Variants in UTP20 observed in about 807,000 individuals in gnomAD.
The protein encoded by UTP20 is UTP20 small subunit processome component, also known as small subunit processome component 20 homolog.
A neutral mutation model predicts 329.5 loss-of-function variants in UTP20; 164 were observed. The ratio of observed to expected loss-of-function variants is 0.50; its 90% CI spans 0.44 to 0.57. UTP20 has a LOEUF of 0.57. Among genes scored for constraint, UTP20 ranks in the 20% least tolerant of loss-of-function variants. UTP20 has a pLI of 0.00. For missense variants in UTP20, 3,055 were observed against 3,284.2 expected (o/e 0.93, Z 1.71); for synonymous variants, 1,151 against 1,159.3 (o/e 0.99, Z 0.14).
At chr12:101,281,249 C>T in intron 2 of UTP20, 53 bp downstream of exon 2, 1 of 1,469,428 alleles carries the variant, frequency 6.8e-7, no homozygotes, top group Non-Finnish European at 9.5e-7. Flanking sequence ...GTTTTAGTTT[C>T]TTCTGTTAGT....
intron 15 of UTP20, 99 bp from the exon 16 acceptor site, chr12:101,305,816 C>A: frequency 2.3e-6 from 3 of 1,330,520 alleles, no homozygotes; most frequent in Non-Finnish European, 3.0e-6. Flanking sequence ...TTACCTTTTA[C>A]ATTTTCTTCA....
chr12:101,306,626 C>A (rs1872647247), intron 16 of UTP20, 73 bp from the exon 17 acceptor site: 16 of 1,374,098 alleles, frequency 1.2e-5, no homozygotes, highest in Middle Eastern at 1.9e-4. Context: ...AAACTTAAAT[C>A]TTGCTGACTG....
intron 38 of UTP20, among the ~76,000 whole-genome samples, chr12:101,351,526 C>CT (rs753646442): frequency 0.025 from 2,991 of 117,808 alleles, 139 homozygotes; most frequent in African/African-American, 0.079. Context: ...AGGCAGTGTA[C>CT]TTTTTTTTTT....
At position 101,373,425 on chromosome 12, in the gene UTP20, G is replaced by A. The variant is rs1404384414; in HGVS notation, c.6903G>A (p.Glu2301=). The A allele has an allele frequency of 1.2e-6, 2 of 1,614,164 alleles. No individual in the cohort carries two copies. The highest frequency in any genetic ancestry group is 1.7e-6 in the Non-Finnish European group (2 of 1,180,038). Reference sequence around the variant, plus strand: ...GTTACGAACATGAGACCGGGAGAGAGTCCACCTTGGAAATGATCGCCTATC... The same window carrying A: ...GTTACGAACATGAGACCGGGAGAGAATCCACCTTGGAAATGATCGCCTATC... ...QLNYEHETGR[E]STLEMIAYLF... Residue 2301 remains glutamate (E), a synonymous_variant, in exon 53 of 62, where the codon GAG becomes GAA. Transcript: ENST00000261637.
At chr12:101,345,528 G>T in intron 36 of UTP20, 26 bp from the exon 37 acceptor site, 3 of 1,378,430 alleles carry the variant, frequency 2.2e-6, no homozygotes, top group Non-Finnish European at 2.0e-6. Context: ...AAAATAAAAT[G>T]TTTTTTCTCC....
intron 12 of UTP20, among the ~76,000 whole-genome samples, chr12:101,297,547 T>C (rs1872396209): frequency 6.6e-6 from 1 of 152,236 alleles, no homozygotes; most frequent in Non-Finnish European, 1.5e-5. Flanking sequence ...ATCTTCTGTA[T>C]ACCTTACAAA....
intron 58 of UTP20, among the ~76,000 whole-genome samples, chr12:101,381,492 C>T (rs78451622): frequency 0.081 from 12,358 of 152,042 alleles, 654 homozygotes; most frequent in Middle Eastern, 0.15. Flanking sequence ...GCCGAAATCA[C>T]GCCACTGCAC....
Position 101,342,957 on chromosome 12 carries a change from A to G in UTP20, c.4313A>G (p.Gln1438Arg). 6.2e-7 allele frequency: 1 copy of G among 1,613,462 alleles called. No individual in the cohort carries two copies. The highest frequency in any genetic ancestry group is 1.1e-5 in the South Asian group (1 of 90,672). ...TDVVKLNAFDQRHLDDINFDV... is the reference protein window; with the variant it reads ...TDVVKLNAFDRRHLDDINFDV... ...TTCTTATAGCTTAACGCCTTCGATC[A>G]AAGACATCTTGATGATATCAACTTC... Residue 1438 changes from glutamine (Q) to arginine (R), a missense_variant, in exon 35 of 62, where the codon CAA (glutamine) becomes CGA (arginine). Gln to Arg is a conservative substitution (Grantham distance 43). Transcript: ENST00000261637.
intron 38 of UTP20, 99 bp from the exon 39 acceptor site, chr12:101,351,956 A>G: frequency 7.1e-7 from 1 of 1,398,814 alleles, no homozygotes; most frequent in South Asian, 1.2e-5. Context: ...CTCTTCTGTA[A>G]TTACTGAGAA....
chr12:101,299,584 A>G (rs1453200050), intron 12 of UTP20, 98 bp from the exon 13 acceptor site: 2 of 1,192,898 alleles, frequency 1.7e-6, no homozygotes, highest in Non-Finnish European at 2.3e-6. Flanking sequence ...CTTCCCTCTA[A>G]TGCTCCACAA....
chr12:101,300,278 C>T (rs182545292), intron 14 of UTP20, among the ~76,000 whole-genome samples: 1 of 152,226 alleles, frequency 6.6e-6, no homozygotes, highest in Admixed American at 6.5e-5. Context: ...AGGAAGGGGA[C>T]ATATCAAAAG....
At chr12:101,306,110 G>A in intron 16 of UTP20, 45 bp downstream of exon 16, 1 of 1,549,648 alleles carries the variant, frequency 6.5e-7, no homozygotes, top group South Asian at 1.2e-5. Context: ...CTCTTCTCCT[G>A]TTTCTATATG....
At chr12:101,354,550 C>G (rs1429455707) in intron 40 of UTP20, among the ~76,000 whole-genome samples, 1 of 152,108 alleles carries the variant, frequency 6.6e-6, no homozygotes, top group Non-Finnish European at 1.5e-5. Context: ...GTTCCTGCCC[C>G]CCAAGCCTCC....
At position 101,386,144 on chromosome 12, in the gene UTP20, A is replaced by G. The variant is rs535339408; in HGVS notation, c.*21A>G. On this transcript the variant is annotated 3_prime_UTR_variant, in exon 62 of 62. Transcript: ENST00000261637. ...AGTAATGTCTCCCTGTGCTGATACA[A>G]GCATGAACTTTCTGGAATATTCTGC... 1.9e-6 allele frequency: 3 copies of G among 1,583,400 alleles called. No homozygotes were observed. Among genetic ancestry groups the G allele is most frequent in the Non-Finnish European group, 2.6e-6 (3 of 1,172,158 alleles).
chr12:101,292,728 C>T (rs2137235861), intron 10 of UTP20, among the ~76,000 whole-genome samples: 1 of 152,306 alleles, frequency 6.6e-6, no homozygotes, highest in East Asian at 1.9e-4. Flanking sequence ...ATCAGCAAAG[C>T]TCTGGCTTGG....
chr12:101,338,775 A>G (rs1364067126), intron 30 of UTP20, 38 bp from the exon 31 acceptor site: 1 of 1,539,114 alleles, frequency 6.5e-7, no homozygotes, highest in Middle Eastern at 1.8e-4. Flanking sequence ...GCCTTAAGAG[A>G]GTTTATTAAA....
At position 101,342,788 on chromosome 12, in the gene UTP20, CTCTT is replaced by C; in HGVS notation, c.4251_4254del (p.Ser1418IlefsTer6). On this transcript the variant is annotated frameshift_variant and splice_region_variant, in exon 34 of 62. Coordinates refer to ENST00000261637, the MANE Select transcript of UTP20 (RefSeq NM_014503.3). LOFTEE classifies it high-confidence loss of function. Reference sequence around the variant, plus strand: ...ATACACTGTTTTCTTTCCTTTCAGACTCTTTCTGATTTTGAGAGTGGGTTAAAAT... The same window carrying C: ...ATACACTGTTTTCTTTCCTTTCAGACTCTGATTTTGAGAGTGGGTTAAAAT... 6.2e-7 allele frequency: 1 copy of C among 1,612,750 alleles called. No individual in the cohort carries two copies. Among genetic ancestry groups the C allele is most frequent in the Non-Finnish European group, 8.5e-7 (1 of 1,179,264 alleles).
At chr12:101,284,630 C>T (rs1048156857) in intron 2 of UTP20, among the ~76,000 whole-genome samples, 3 of 152,088 alleles carry the variant, frequency 2.0e-5, no homozygotes, top group Admixed American at 6.6e-5. Flanking sequence ...TACACACATA[C>T]GTACATGTAT....
chr12:101,285,826 A>T lies in UTP20; in HGVS notation c.271A>T (p.Ser91Cys). The change falls in exon 4 of 62, where the codon AGT becomes TGT. Residue 91 changes from serine to cysteine, a missense_variant. Physicochemically the swap from Ser to Cys is moderately radical, Grantham distance 112. Around this residue, in one of 3 missense-constraint regions of UTP20, gnomAD observed 2,445 missense variants for 2,575.5 expected, o/e 0.95. Coordinates refer to ENST00000261637, the MANE Select transcript of UTP20 (RefSeq NM_014503.3). ...LVYHQNEIVQ[S>C]LKTHLQVKNS... ...GTATCACCAAAACGAGATAGTTCAG[A>T]GTTTGAAGACTCACCTGCAAGTTAA... is the stretch of plus-strand genomic sequence containing the variant. 1 of 1,613,912 alleles carries T rather than the reference A, an allele frequency of 6.2e-7. No individual in the cohort carries two copies. Among genetic ancestry groups the T allele is most frequent in the Non-Finnish European group, 8.5e-7 (1 of 1,179,918 alleles).
Sources: gnomAD v4.1 joint callset for allele counts (sites outside exome capture counted in the v4.1 genomes callset) on GRCh38, gnomAD v4.1.1 for gene constraint, gnomAD v4.1.1 regional missense constraint, MANE v1.5 for transcripts, NCBI Gene and HGNC (gene_info 2026-07-23, HGNC 2026-07-21) for gene names.